The following GNG7 variants were observed in gnomAD, a reference collection of about 807,000 sequenced individuals.
The protein encoded by GNG7 is G protein subunit gamma 7, also known as guanine nucleotide-binding protein G(I)/G(S)/G(O) subunit gamma-7.
A neutral mutation model predicts 4.0 loss-of-function variants in GNG7; 1 was observed. The ratio of observed to expected loss-of-function variants is 0.25; its 90% CI spans 0.09 to 1.18. The LOEUF (loss-of-function observed/expected upper bound fraction) is 1.18, where lower values mean the gene tolerates loss of function less well. GNG7 is among the 50% of genes most tolerant of loss of function. The pLI is 0.50. For synonymous variants in GNG7, 34 were observed against 36.9 expected, an observed-to-expected ratio of 0.92 and a Z score of 0.29; for missense variants, 86 against 91.9, an observed-to-expected ratio of 0.94 and a Z score of 0.26.
intron 2 of GNG7, among the ~76,000 whole-genome samples, chr19:2,599,253 C>G (rs561585303): frequency 3.3e-5 from 5 of 152,192 alleles, no homozygotes; most frequent in African/African-American, 1.2e-4. Flanking sequence ...CCCTCGCTGA[C>G]TTGGTAGATG....
intron 2 of GNG7, among the ~76,000 whole-genome samples, chr19:2,565,435 C>T (rs1283551550): frequency 6.6e-6 from 1 of 151,640 alleles, no homozygotes; most frequent in Non-Finnish European, 1.5e-5. Context: ...TCACTTGAAC[C>T]CGAGAGGCGG....
At position 2,512,878 on chromosome 19, in the gene GNG7, G is replaced by A. The variant is rs17755100; in HGVS notation, c.*2144C>T. On this transcript the variant is annotated 3_prime_UTR_variant, in exon 5 of 5. Coordinates refer to ENST00000382159, the MANE Select transcript of GNG7 (RefSeq NM_052847.3). The surrounding 1 kb of genome is among the most constrained non-coding windows in gnomAD (Gnocchi z 4.7). ...CTGGAACAGGCTTTTGTCCCTTCCT[G>A]CCATTCCTGCTATGCGTGGTGGGGA... 0.13 allele frequency: 125,283 copies of A among 982,762 alleles called. 8,897 individuals are homozygous for A. Among genetic ancestry groups the A allele is most frequent in the East Asian group, 0.37 (3,284 of 8,784 alleles). 60.9% of individuals were successfully genotyped at this position (982,762 alleles called of 1,614,324 possible).
intron 1 of GNG7, among the ~76,000 whole-genome samples, chr19:2,667,577 A>C (rs1983341952): frequency 6.6e-6 from 1 of 152,136 alleles, no homozygotes; most frequent in South Asian, 2.1e-4. Context: ...CCAGGAGTTC[A>C]AGACCAGCTG....
chr19:2,566,060 A>G (rs1979897689), intron 2 of GNG7, among the ~76,000 whole-genome samples: 2 of 152,242 alleles, frequency 1.3e-5, no homozygotes, highest in South Asian at 4.1e-4. Context: ...CGGGAGGCTG[A>G]GGCAGGAGAA....
intron 3 of GNG7, among the ~76,000 whole-genome samples, chr19:2,547,973 G>A (rs1979182826): frequency 6.6e-6 from 1 of 152,176 alleles, no homozygotes; most frequent in Non-Finnish European, 1.5e-5. Flanking sequence ...GATGGACCTC[G>A]AGCCTGGGGT....
At chr19:2,528,530 G>A (rs1978487402) in intron 3 of GNG7, among the ~76,000 whole-genome samples, 1 of 151,998 alleles carries the variant, frequency 6.6e-6, no homozygotes, top group Admixed American at 6.6e-5. Flanking sequence ...TAAATACAGG[G>A]GTGTTTCCAA....
intron 2 of GNG7, among the ~76,000 whole-genome samples, chr19:2,581,302 G>T (rs1468956776): frequency 1.3e-5 from 2 of 148,274 alleles, no homozygotes; most frequent in Admixed American, 6.7e-5. Flanking sequence ...TGATGGGGGG[G>T]GCCGCGGGGG....
At chr19:2,578,584 A>G (rs1980410713) in intron 2 of GNG7, among the ~76,000 whole-genome samples, 1 of 152,102 alleles carries the variant, frequency 6.6e-6, no homozygotes, top group South Asian at 2.1e-4. Context: ...TTTCATCGCT[A>G]ACCAGGCCGG....
chr19:2,698,343 C>T (rs1427455489), intron 1 of GNG7, among the ~76,000 whole-genome samples: 2 of 151,844 alleles, frequency 1.3e-5, no homozygotes, highest in Non-Finnish European at 2.9e-5. Flanking sequence ...GTAGGTGGAT[C>T]ACCTGAGGTC....
rs538898358 is a variant in GNG7, at chr19:2,553,809, A to G, written c.-38+1340T>C. On this transcript the variant is annotated intron_variant, in intron 3 of 4. Coordinates refer to ENST00000382159, the MANE Select transcript of GNG7 (RefSeq NM_052847.3). ...CACACATGTACGTATCATGTGTAAT[A>G]TATCACATACATGTACATATTATAT... Among the ~76,000 whole-genome samples, 17 of 129,318 alleles carry G rather than the reference A, an allele frequency of 1.3e-4. No individual in the cohort carries two copies. In the South Asian group the frequency reaches 3.8e-3, roughly 29 times the overall value. The allele number at this position is 129,318 out of a possible 152,430, so 84.8% of individuals were successfully genotyped here.
intron 2 of GNG7, among the ~76,000 whole-genome samples, chr19:2,598,677 AAATAATAATAATAATAATAATAATAAT>A (rs56068932): frequency 7.1e-6 from 1 of 141,008 alleles, no homozygotes; most frequent in East Asian, 2.1e-4. Flanking sequence ...AAAAGTAATA[AAATAATAATAATAATAATAATAATAAT>A]AATAATAATA....
At chr19:2,583,335 T>G (rs10413722) in intron 2 of GNG7, among the ~76,000 whole-genome samples, 131,669 of 152,188 alleles carry the variant, frequency 0.87, 57,118 homozygotes, top group East Asian at 0.94. Context: ...AAAGTTGTAC[T>G]ATTTTGATGA....
At position 2,668,102 on chromosome 19, in the gene GNG7, G is replaced by A. The variant is rs558502040; in HGVS notation, c.-134-21822C>T. On this transcript the variant is annotated intron_variant, in intron 1 of 4. Coordinates refer to ENST00000382159, the MANE Select transcript of GNG7 (RefSeq NM_052847.3). ...TACTGGTTTATTCGCTGTGACAAAC[G>A]CACCATGCCATTGGATGTGAATACT... Among the ~76,000 whole-genome samples the A allele has an allele frequency of 3.3e-5, 5 of 152,154 alleles. No individual in the cohort carries two copies. The South Asian group carries it at 8.3e-4, about 25-fold the overall frequency.
intron 1 of GNG7, among the ~76,000 whole-genome samples, chr19:2,675,665 G>T (rs888688325): frequency 2.0e-5 from 3 of 152,106 alleles, no homozygotes; most frequent in Admixed American, 2.0e-4. Flanking sequence ...AAACAGAAAA[G>T]ATATTCCCGA....
In GNG7 at chr19:2,546,632, T is replaced by TC. The variant is rs1360040259; in HGVS notation, c.-38+8516dup. ...GTGAAAAATAGACCAGCGGGGCAGG[T>TC]CCCGCCGCTGCCTTCAGCCGGAGCT... On this transcript the variant is annotated intron_variant, in intron 3 of 4. Coordinates refer to ENST00000382159, the MANE Select transcript of GNG7 (RefSeq NM_052847.3). The surrounding 1 kb of genome is among the most constrained non-coding windows in gnomAD (Gnocchi z 6.3). 6.6e-6 allele frequency among the ~76,000 whole-genome samples: 1 copy of TC among 151,880 alleles called. No individual in the cohort carries two copies. Among genetic ancestry groups the TC allele is most frequent in the African/African-American group, 2.4e-5 (1 of 41,336 alleles).
At chr19:2,630,680 T>C (rs1982137023) in intron 2 of GNG7, 1 of 151,628 alleles carries the variant, frequency 6.6e-6, no homozygotes, top group Non-Finnish European at 1.5e-5. Flanking sequence ...ACACAAACCT[T>C]CGGATGAGAA....
intron 2 of GNG7, among the ~76,000 whole-genome samples, chr19:2,599,437 G>A (rs763371634): frequency 2.9e-4 from 44 of 152,204 alleles, no homozygotes; most frequent in Non-Finnish European, 4.4e-4. Context: ...CGCCCACCCG[G>A]GTGGGTTTCC....
At chr19:2,522,189 C>T (rs1305825880) in intron 3 of GNG7, among the ~76,000 whole-genome samples, 1 of 152,092 alleles carries the variant, frequency 6.6e-6, no homozygotes, top group East Asian at 1.9e-4. Flanking sequence ...CCAGGACGGC[C>T]CCGCTCCAGG....
chr19:2,584,782 G>A (rs1381550584), intron 2 of GNG7, among the ~76,000 whole-genome samples: 8 of 28,674 alleles, frequency 2.8e-4, no homozygotes, highest in Admixed American at 4.1e-4. Flanking sequence ...GAGGGAGGGA[G>A]GGAAAGAAGG....
Sources: allele counts gnomAD v4.1 joint callset (sites outside exome capture counted in the v4.1 genomes callset), GRCh38; gene constraint gnomAD v4.1.1; non-coding constraint Gnocchi (gnomAD v3.1); transcripts MANE v1.5; gene names NCBI Gene and HGNC (gene_info 2026-07-23, HGNC 2026-07-21).